KCNMA1: variants seen among roughly 807,000 people sequenced by gnomAD.
The protein encoded by KCNMA1 is potassium calcium-activated channel subfamily M alpha 1, also known as Calcium-activated potassium channel subunit alpha-1.
A neutral mutation model predicts 140.0 loss-of-function variants in KCNMA1; 29 were observed. The ratio of observed to expected loss-of-function variants is 0.21; its 90% CI spans 0.15 to 0.28. KCNMA1 has a LOEUF of 0.28. KCNMA1 is among the 10% of genes least tolerant of loss of function. The probability of loss-of-function intolerance (pLI) is 1.00; values close to 1 mark genes in which losing one functional copy is unlikely to be tolerated. For missense variants in KCNMA1, 880 were observed against 1,602.2 expected, an observed-to-expected ratio of 0.55 and a Z score of 7.70; for synonymous variants, 612 against 611.9, an observed-to-expected ratio of 1.00 and a Z score of 0.00.
At chr10:77,392,630 G>A (rs539189114) in intron 2 of KCNMA1, among the ~76,000 whole-genome samples, 1 of 152,366 alleles carries the variant, frequency 6.6e-6, no homozygotes, top group South Asian at 2.1e-4. Flanking sequence ...ACCCCGAGCA[G>A]GTGCTCCAGA....
chr10:77,380,814 G>A (rs1386906540), intron 2 of KCNMA1, among the ~76,000 whole-genome samples: 1 of 152,198 alleles, frequency 6.6e-6, no homozygotes, highest in Non-Finnish European at 1.5e-5. Context: ...CCCTGTTGAA[G>A]GAATGATGCC....
chr10:77,111,774 T>C (rs1384995534), intron 7 of KCNMA1, among the ~76,000 whole-genome samples: 4 of 152,184 alleles, frequency 2.6e-5, no homozygotes, highest in South Asian at 4.1e-4. Flanking sequence ...ACAGTCTATG[T>C]TTGCATGAAA....
At chr10:77,161,503 C>T (rs1235115670) in intron 5 of KCNMA1, among the ~76,000 whole-genome samples, 2 of 152,112 alleles carry the variant, frequency 1.3e-5, no homozygotes, top group South Asian at 2.1e-4. Flanking sequence ...CCCTGGCCTC[C>T]CAAGCTGCTG....
chr10:77,403,106 A>T (rs948918777), intron 2 of KCNMA1, among the ~76,000 whole-genome samples: 4 of 152,176 alleles, frequency 2.6e-5, no homozygotes, highest in African/African-American at 7.2e-5. Flanking sequence ...ATGGTTGATC[A>T]CTATAAGCCT....
chr10:77,575,522 T>G (rs2073750265), intron 1 of KCNMA1, among the ~76,000 whole-genome samples: 1 of 152,192 alleles, frequency 6.6e-6, no homozygotes, highest in Non-Finnish European at 1.5e-5. Flanking sequence ...TGGTGTGCCT[T>G]CCAGAACCCA....
chr10:77,522,991 A>G (rs190686441), intron 1 of KCNMA1, among the ~76,000 whole-genome samples: 52 of 152,270 alleles, frequency 3.4e-4, no homozygotes, highest in African/African-American at 1.1e-3. Context: ...CTAAGTGCCA[A>G]TGTAAAGTGC....
At chr10:77,178,564 G>A (rs1345724139) in intron 5 of KCNMA1, among the ~76,000 whole-genome samples, 3 of 152,154 alleles carry the variant, frequency 2.0e-5, no homozygotes, top group African/African-American at 7.2e-5. Context: ...CATTAGCTGG[G>A]TGTGGTGGCA....
intron 2 of KCNMA1, among the ~76,000 whole-genome samples, chr10:77,364,836 T>C (rs11002137): frequency 0.24 from 36,000 of 152,104 alleles, 5,396 homozygotes; most frequent in Non-Finnish European, 0.35. Context: ...TGAGATGAAA[T>C]TGGCACGTTT....
At chr10:77,048,181 A>T (rs2095190452) in intron 14 of KCNMA1, among the ~76,000 whole-genome samples, 1 of 152,178 alleles carries the variant, frequency 6.6e-6, no homozygotes, top group African/African-American at 2.4e-5. Context: ...GTACAAATCC[A>T]AAATTTTTAT....
At chr10:77,363,120 A>ATTATT (rs1555240110) in intron 2 of KCNMA1, among the ~76,000 whole-genome samples, 1 of 151,036 alleles carries the variant, frequency 6.6e-6, no homozygotes. Flanking sequence ...AATTATTATT[A>ATTATT]TTTTTTTTTT....
At chr10:77,527,465 G>C (rs1283070849) in intron 1 of KCNMA1, among the ~76,000 whole-genome samples, 1 of 152,210 alleles carries the variant, frequency 6.6e-6, no homozygotes, top group Admixed American at 6.5e-5. Context: ...GGGGAAGAAG[G>C]CACTCTCAGA....
intron 1 of KCNMA1, among the ~76,000 whole-genome samples, chr10:77,406,636 C>T (rs2096482509): frequency 6.6e-6 from 1 of 152,136 alleles, no homozygotes; most frequent in Admixed American, 6.5e-5. Flanking sequence ...TCGGTGACTG[C>T]TGAAATGAGA....
intron 3 of KCNMA1, among the ~76,000 whole-genome samples, chr10:77,241,967 C>T (rs1203591351): frequency 5.3e-5 from 8 of 152,116 alleles, no homozygotes; most frequent in Non-Finnish European, 7.3e-5. Context: ...AATCACAGCA[C>T]GGAGCTGGAG....
intron 17 of KCNMA1, among the ~76,000 whole-genome samples, chr10:77,018,442 C>T (rs531294173): frequency 1.8e-4 from 28 of 152,162 alleles, no homozygotes; most frequent in African/African-American, 5.3e-4. Flanking sequence ...TTTAAGGATA[C>T]GAATAAAAAT....
intron 2 of KCNMA1, among the ~76,000 whole-genome samples, chr10:77,348,415 G>T (rs186998015): frequency 5.1e-4 from 77 of 152,270 alleles, no homozygotes; most frequent in African/African-American, 1.8e-3. Context: ...ATCAGGAGAG[G>T]TGTGTATGCC....
intron 21 of KCNMA1, among the ~76,000 whole-genome samples, 194 bp downstream of exon 21, chr10:76,953,607 T>C (rs1441923039): frequency 6.6e-6 from 1 of 152,194 alleles, no homozygotes; most frequent in East Asian, 1.9e-4. Context: ...TATTCAGAGA[T>C]TGAAAAATCT....
intron 2 of KCNMA1, among the ~76,000 whole-genome samples, chr10:77,266,164 A>G (rs991009107): frequency 6.6e-6 from 1 of 152,062 alleles, no homozygotes; most frequent in Non-Finnish European, 1.5e-5. Flanking sequence ...GGTGTGGCTG[A>G]GGAGACTTTG....
At chr10:77,501,980 G>C (rs910365844) in intron 1 of KCNMA1, among the ~76,000 whole-genome samples, 1 of 152,144 alleles carries the variant, frequency 6.6e-6, no homozygotes, top group Non-Finnish European at 1.5e-5. Flanking sequence ...TCATACACTC[G>C]AGCATTTTAG....
chr10:77,098,327 T>C (rs2096991133), intron 9 of KCNMA1, among the ~76,000 whole-genome samples: 1 of 152,138 alleles, frequency 6.6e-6, no homozygotes, highest in Non-Finnish European at 1.5e-5. Context: ...AGTCTCCCAA[T>C]TATATACAGT....
Sources: allele counts gnomAD v4.1 joint callset (sites outside exome capture counted in the v4.1 genomes callset), GRCh38; gene constraint gnomAD v4.1.1; transcripts MANE v1.5; gene names NCBI Gene and HGNC (gene_info 2026-07-23, HGNC 2026-07-21).